CYTH3: variants seen among roughly 807,000 people sequenced by gnomAD.
The protein encoded by CYTH3 is cytohesin-3.
Under a neutral mutation model 55.1 loss-of-function variants are expected in CYTH3, and 23 were observed. That is an observed-to-expected ratio of 0.42 (90% CI 0.30 to 0.59). The LOEUF is 0.59. CYTH3 is among the 20% of genes least tolerant of loss of function. The pLI, the probability that CYTH3 is intolerant of heterozygous loss-of-function variation, is 0.20. For missense variants in CYTH3, 413 were observed against 524.8 expected, an observed-to-expected ratio of 0.79 and a Z score of 2.08; for synonymous variants, 249 against 194.9, an observed-to-expected ratio of 1.28 and a Z score of -2.31.
chr7:6,234,614 G>A (rs1212768229), intron 1 of CYTH3, among the ~76,000 whole-genome samples: 2 of 152,190 alleles, frequency 1.3e-5, no homozygotes, highest in African/African-American at 4.8e-5. Flanking sequence ...CCTGTGACTG[G>A]AAGCCCCTGG....
intron 4 of CYTH3, among the ~76,000 whole-genome samples, chr7:6,182,330 G>C (rs909899240): frequency 6.6e-6 from 1 of 152,080 alleles, no homozygotes; most frequent in Non-Finnish European, 1.5e-5. Flanking sequence ...GATTACAGGC[G>C]TGAGCCACCG....
chr7:6,195,319 T>C (rs77949334), intron 1 of CYTH3, among the ~76,000 whole-genome samples: 3,508 of 152,280 alleles, frequency 0.023, 138 homozygotes, highest in African/African-American at 0.08. Flanking sequence ...TCTTTCTTAG[T>C]AAACTTTTGT....
In CYTH3 at chr7:6,212,440, T is replaced by A. The variant is rs753334592; in HGVS notation, c.35-21909A>T. ...AACTCCCCAATTCTCCCTTTCCCCA[T>A]CCCCAGGCACCCACCATTCTACTTT... On this transcript the variant is annotated intron_variant, in intron 1 of 12. Transcript: ENST00000350796. Among the ~76,000 whole-genome samples, 14 of 151,984 alleles carry A rather than the reference T, an allele frequency of 9.2e-5. 1 individual carries two copies. Among genetic ancestry groups the A allele is most frequent in the African/African-American group, 3.4e-4 (14 of 41,372 alleles).
At chr7:6,183,159 C>G (rs1389726918) in intron 4 of CYTH3, among the ~76,000 whole-genome samples, 1 of 152,252 alleles carries the variant, frequency 6.6e-6, no homozygotes, top group Non-Finnish European at 1.5e-5. Context: ...CTGCTAGACA[C>G]AAGGTCAGGA....
intron 1 of CYTH3, among the ~76,000 whole-genome samples, chr7:6,266,724 C>T (rs1780502172): frequency 6.6e-6 from 1 of 151,952 alleles, no homozygotes; most frequent in Admixed American, 6.5e-5. Flanking sequence ...TTCCCTACAC[C>T]TCTCCCATCC....
At chr7:6,215,120 T>TAA (rs768432765) in intron 1 of CYTH3, among the ~76,000 whole-genome samples, 4 of 152,182 alleles carry the variant, frequency 2.6e-5, no homozygotes, top group Non-Finnish European at 4.4e-5. Flanking sequence ...GGTTGGATTT[T>TAA]AAAACGCCAC....
chr7:6,200,138 A>G (rs1346664548), intron 1 of CYTH3, among the ~76,000 whole-genome samples: 1 of 152,212 alleles, frequency 6.6e-6, no homozygotes, highest in Non-Finnish European at 1.5e-5. Flanking sequence ...AGATACTCAT[A>G]TTAAAAAATA....
chr7:6,214,347 TA>T (rs1322536435), intron 1 of CYTH3, among the ~76,000 whole-genome samples: 1 of 152,236 alleles, frequency 6.6e-6, no homozygotes, highest in African/African-American at 2.4e-5. Context: ...AAATAAATTT[TA>T]AAAGCCTTGA....
chr7:6,192,095 CA>C (rs200688265), intron 1 of CYTH3, among the ~76,000 whole-genome samples: 2 of 150,894 alleles, frequency 1.3e-5, no homozygotes, highest in African/African-American at 4.9e-5. Context: ...ATCTGTGTCT[CA>C]AAAAAAAATT....
At chr7:6,229,387 G>A (rs562133901) in intron 1 of CYTH3, among the ~76,000 whole-genome samples, 11 of 152,112 alleles carry the variant, frequency 7.2e-5, no homozygotes, top group African/African-American at 1.2e-4. Context: ...TGAAGAAAGC[G>A]TGCTTGCTGC....
At chr7:6,234,417 G>A (rs1779465961) in intron 1 of CYTH3, among the ~76,000 whole-genome samples, 1 of 152,214 alleles carries the variant, frequency 6.6e-6, no homozygotes, top group South Asian at 2.1e-4. Context: ...TGGAGGAAAA[G>A]GAGAGGCCCT....
In CYTH3 at chr7:6,169,507, G is replaced by A. The variant is rs184271877; in HGVS notation, c.823+1028C>T. Among the ~76,000 whole-genome samples the A allele has an allele frequency of 6.8e-4, 104 of 152,130 alleles. No homozygotes were observed. Among genetic ancestry groups the A allele is most frequent in the African/African-American group, 2.1e-3 (88 of 41,506 alleles). On this transcript the variant is annotated intron_variant, in intron 9 of 12. Coordinates refer to ENST00000350796, the MANE Select transcript of CYTH3 (RefSeq NM_004227.4). This position sits in a 1 kb window ranked among gnomAD's most constrained non-coding sequence, Gnocchi z 4.1. ...ATTACACACATGAGCCACTGCACCC[G>A]GCTGATAAAATTTTTAAAAAATCAC... is the stretch of plus-strand genomic sequence containing the variant.
At chr7:6,208,638 G>T (rs1784253876) in intron 1 of CYTH3, among the ~76,000 whole-genome samples, 1 of 152,198 alleles carries the variant, frequency 6.6e-6, no homozygotes, top group African/African-American at 2.4e-5. Flanking sequence ...CCAACTCCTG[G>T]ACTCAGGCAA....
At chr7:6,234,409 G>A (rs938214824) in intron 1 of CYTH3, among the ~76,000 whole-genome samples, 1 of 152,202 alleles carries the variant, frequency 6.6e-6, no homozygotes, top group Non-Finnish European at 1.5e-5. Context: ...GAGCCTATTG[G>A]AGGAAAAGGA....
rs201763603 is a variant in CYTH3, at chr7:6,171,025, C to T, written c.563-47G>A. The stretch of plus-strand genomic sequence containing the variant: ...GGGCTCAGCCAGAACCTCCAGTGGA[C>T]AGTGGGACCCCGCGTGCTGGGGGCC... On this transcript the variant is annotated intron_variant, in intron 7 of 12. Transcript: ENST00000350796. The surrounding 1 kb of genome is among the most constrained non-coding windows in gnomAD (Gnocchi z 6.7). 2 of 1,609,048 alleles carry T rather than the reference C, an allele frequency of 1.2e-6. No homozygotes were observed. The highest frequency in any genetic ancestry group is 1.1e-5 in the South Asian group (1 of 90,802).
At position 6,167,484 on chromosome 7, in the gene CYTH3, G is replaced by C. The variant is rs890709793; in HGVS notation, c.824-1674C>G. ...ACGGTCGCCTCTGCTTCCCTCCAGA[G>C]ACTCCAGAGCAGGCCCCGCTCCAGC... On this transcript the variant is annotated intron_variant, in intron 9 of 12. Coordinates refer to ENST00000350796, the MANE Select transcript of CYTH3 (RefSeq NM_004227.4). The surrounding 1 kb of genome is among the most constrained non-coding windows in gnomAD (Gnocchi z 5.5). Among the ~76,000 whole-genome samples, 1 of 152,248 alleles carries C rather than the reference G, an allele frequency of 6.6e-6. No homozygotes were observed. Among genetic ancestry groups the C allele is most frequent in the Non-Finnish European group, 1.5e-5 (1 of 68,048 alleles).
At chr7:6,209,430 A>T (rs533106156) in intron 1 of CYTH3, among the ~76,000 whole-genome samples, 4 of 152,298 alleles carry the variant, frequency 2.6e-5, no homozygotes, top group African/African-American at 9.6e-5. Flanking sequence ...AAAATAAACA[A>T]CTTCTGAGAT....
chr7:6,265,218 T>C (rs977478639), intron 1 of CYTH3, among the ~76,000 whole-genome samples: 3 of 151,022 alleles, frequency 2.0e-5, no homozygotes, highest in East Asian at 3.9e-4. Context: ...GGTCAGAATG[T>C]TTTTTACATA....
At chr7:6,245,188 C>T (rs1779778185) in intron 1 of CYTH3, among the ~76,000 whole-genome samples, 2 of 151,456 alleles carry the variant, frequency 1.3e-5, no homozygotes, top group Non-Finnish European at 1.5e-5. Flanking sequence ...ACCAAAAATG[C>T]AGGGGGAAAG....
Sources: allele counts gnomAD v4.1 joint callset (sites outside exome capture counted in the v4.1 genomes callset), GRCh38; gene constraint gnomAD v4.1.1; non-coding constraint Gnocchi (gnomAD v3.1); transcripts MANE v1.5; gene names NCBI Gene and HGNC (gene_info 2026-07-23, HGNC 2026-07-21).